KLF13: variants seen among roughly 807,000 people sequenced by gnomAD.
KLF13 encodes the protein Krueppel-like factor 13.
A neutral mutation model predicts 16.7 loss-of-function variants in KLF13; 8 were observed. The observed-to-expected ratio is 0.48, with a 90% CI of 0.28 to 0.87. The LOEUF is 0.87. KLF13 is among the 40% of genes least tolerant of loss of function. The probability of loss-of-function intolerance (pLI) is 0.10; values close to 1 mark genes in which losing one functional copy is unlikely to be tolerated. For missense variants in KLF13, 447 were observed against 452.2 expected, an observed-to-expected ratio of 0.99 and a Z score of 0.10; for synonymous variants, 245 against 208.4, an observed-to-expected ratio of 1.18 and a Z score of -1.51.
chr15:31,401,097 G>A (rs940676044), intron 2 of KLF13, among the ~76,000 whole-genome samples: 4 of 151,782 alleles, frequency 2.6e-5, no homozygotes, highest in Non-Finnish European at 4.4e-5. Context: ...TCTGCCTCCC[G>A]GGAGCAAGCT....
downstream of KLF13, among the ~76,000 whole-genome samples, chr15:31,405,680 G>C (rs2040118988): frequency 6.6e-6 from 1 of 152,206 alleles, no homozygotes; most frequent in Non-Finnish European, 1.5e-5. Context: ...GGGCTGCCAG[G>C]TGTGACTCAC....
At chr15:31,338,867 T>C (rs1489907355) in intron 1 of KLF13, among the ~76,000 whole-genome samples, 1 of 152,020 alleles carries the variant, frequency 6.6e-6, no homozygotes, top group Non-Finnish European at 1.5e-5. Flanking sequence ...TGAGCATTTC[T>C]TTAACAGCCT....
At chr15:31,344,261 G>A (rs1430248663) in intron 1 of KLF13, among the ~76,000 whole-genome samples, 1 of 152,342 alleles carries the variant, frequency 6.6e-6, no homozygotes, top group East Asian at 1.9e-4. Context: ...TGTCAGGAGG[G>A]GAGTGGGCAC....
At chr15:31,364,103 TG>T (rs2039427459) in intron 1 of KLF13, among the ~76,000 whole-genome samples, 1 of 5,850 alleles carries the variant, frequency 1.7e-4, no homozygotes, top group African/African-American at 4.0e-4. Context: ...CTTACGAAAC[TG>T]TGTTGAATCC....
At chr15:31,384,446 G>A (rs1160056346) in intron 1 of KLF13, among the ~76,000 whole-genome samples, 2 of 152,156 alleles carry the variant, frequency 1.3e-5, no homozygotes, top group African/African-American at 4.8e-5. Context: ...ATAAGGACAG[G>A]TAAGAGACAG....
intron 1 of KLF13, among the ~76,000 whole-genome samples, chr15:31,425,902 T>G (rs927232827): frequency 1.3e-5 from 2 of 152,156 alleles, no homozygotes; most frequent in African/African-American, 4.8e-5. Flanking sequence ...TCTAAATGCC[T>G]TTAACAGCAC....
At chr15:31,415,714 C>A (rs919909188) in intron 1 of KLF13, among the ~76,000 whole-genome samples, 1 of 151,918 alleles carries the variant, frequency 6.6e-6, no homozygotes, top group Non-Finnish European at 1.5e-5. Context: ...AATACTCTAA[C>A]CTTTCACCTT....
rs2039653524 is a variant in KLF13 at position 31,376,777 on chromosome 15, G to C, written c.*4478G>C. The C allele has an allele frequency of 6.5e-6, 1 of 152,686 alleles. No homozygotes were observed. The highest frequency in any genetic ancestry group is 1.5e-5 in the Non-Finnish European group (1 of 68,048). 9.5% of individuals were successfully genotyped at this position (152,686 alleles called of 1,614,324 possible). On this transcript the variant is annotated 3_prime_UTR_variant, in exon 2 of 2. Coordinates refer to ENST00000307145, the MANE Select transcript of KLF13 (RefSeq NM_015995.4). ...CAGGAGACGGGAGCCCGGTGTCCAT[G>C]AGGGAAGAGGGGTCGCGCTTGGTTT...
chr15:31,419,487 A>G (rs184023709), intron 1 of KLF13, among the ~76,000 whole-genome samples: 142 of 152,304 alleles, frequency 9.3e-4, no homozygotes, highest in Admixed American at 3.3e-3. Flanking sequence ...AGAAAAAACA[A>G]ATAGAAATTC....
intron 1 of KLF13, among the ~76,000 whole-genome samples, chr15:31,346,866 G>A (rs1460862546): frequency 6.6e-6 from 1 of 152,190 alleles, no homozygotes; most frequent in African/African-American, 2.4e-5. Flanking sequence ...CTGTGCTGGC[G>A]GCATCAGGGA....
chr15:31,327,522 G>A lies in KLF13; in HGVS notation c.310G>A (p.Glu104Lys). The A allele has an allele frequency of 2.7e-6, 3 of 1,102,328 alleles. No homozygotes were observed. Among genetic ancestry groups the A allele is most frequent in the East Asian group, 4.8e-5 (1 of 20,898 alleles). 68.3% of individuals were successfully genotyped at this position (1,102,328 alleles called of 1,614,324 possible). The part of the protein sequence containing the change: ...TPCRLPPPAP[E>K]PTSPGAEGAA... ...CTGCCGCCTGCCGCCGCCCGCCCCCGAGCCCACCTCCCCCGGCGCCGAAGG... is the reference window on the plus strand; with the variant it reads ...CTGCCGCCTGCCGCCGCCCGCCCCCAAGCCCACCTCCCCCGGCGCCGAAGG... The change falls in exon 1 of 2, where the codon GAG becomes AAG. Residue 104 changes from glutamate to lysine, a missense_variant. Around this residue, in one of 2 missense-constraint regions of KLF13, gnomAD observed 359 missense variants for 282.8 expected, o/e 1.27. Coordinates refer to ENST00000307145, the MANE Select transcript of KLF13 (RefSeq NM_015995.4).
rs915449064 is a variant in KLF13, at chr15:31,372,605, T to C, written c.*306T>C. ...GACACCCCTTCCTGCCGCCTTACTC[T>C]GTACATAGATTTGCACTCTGGAGTT... is the stretch of plus-strand genomic sequence containing the variant. On this transcript the variant is annotated 3_prime_UTR_variant, in exon 2 of 2. Transcript: ENST00000307145. The C allele has an allele frequency of 2.7e-6, 1 of 376,854 alleles. No homozygotes were observed. Among genetic ancestry groups the C allele is most frequent in the Non-Finnish European group, 4.7e-6 (1 of 211,340 alleles). The allele number at this position is 376,854 out of a possible 1,614,324, so 23.3% of individuals were successfully genotyped here.
intron 1 of KLF13, among the ~76,000 whole-genome samples, chr15:31,339,301 C>A (rs868067940): frequency 3.3e-5 from 5 of 151,930 alleles, no homozygotes; most frequent in African/African-American, 1.2e-4. Context: ...AAATGTCTGA[C>A]CTGGTTTCTA....
chr15:31,419,222 C>G (rs1333314518), intron 1 of KLF13, among the ~76,000 whole-genome samples: 1 of 151,844 alleles, frequency 6.6e-6, no homozygotes, highest in Non-Finnish European at 1.5e-5. Flanking sequence ...GCCTGTTTTT[C>G]AAAAGCACAA....
upstream of KLF13, among the ~76,000 whole-genome samples, chr15:31,389,353 G>A (rs1322286629): frequency 6.6e-6 from 1 of 152,116 alleles, no homozygotes; most frequent in Admixed American, 6.6e-5. Context: ...TCGTCAACAG[G>A]CTATCAGTAG....
intron 1 of KLF13, among the ~76,000 whole-genome samples, chr15:31,335,402 C>T (rs1034402891): frequency 1.7e-4 from 24 of 142,226 alleles, no homozygotes; most frequent in Admixed American, 1.5e-3. Context: ...AGGCTGTGAT[C>T]GCCATTTGCT....
chr15:31,335,315 C>T (rs1010640309), intron 1 of KLF13, among the ~76,000 whole-genome samples: 2 of 152,098 alleles, frequency 1.3e-5, no homozygotes, highest in Non-Finnish European at 2.9e-5. Flanking sequence ...TGCCTTCACA[C>T]CCTGCTGCCC....
rs1223327311 is a variant in KLF13, at chr15:31,327,602, G to T, written c.390G>T (p.Gly130=). Residue 130 remains glycine (G), a synonymous_variant, in exon 1 of 2, where the codon GGG becomes GGT. Transcript: ENST00000307145. Reference sequence around the variant, plus strand: ...GGAGCGAGCCGGAGCCCGAGGCGGGGCTGGAGCCCGAGCGGGAGCCGGGGC... The same window carrying T: ...GGAGCGAGCCGGAGCCCGAGGCGGGTCTGGAGCCCGAGCGGGAGCCGGGGC... The part of the protein sequence containing the change: ...PAWSEPEPEA[G]LEPEREPGPA... The T allele has an allele frequency of 3.8e-6, 5 of 1,300,464 alleles. No individual in the cohort carries two copies. Among genetic ancestry groups the T allele is most frequent in the Non-Finnish European group, 4.0e-6 (4 of 1,010,018 alleles). The allele number at this position is 1,300,464 out of a possible 1,614,324, so 80.6% of individuals were successfully genotyped here.
At chr15:31,340,535 C>T (rs2039004698) in intron 1 of KLF13, among the ~76,000 whole-genome samples, 1 of 152,208 alleles carries the variant, frequency 6.6e-6, no homozygotes, top group African/African-American at 2.4e-5. Flanking sequence ...GCTAACATCA[C>T]CCCCTTCAAA....
Sources: gnomAD v4.1 joint callset for allele counts (sites outside exome capture counted in the v4.1 genomes callset) on GRCh38, gnomAD v4.1.1 for gene constraint, gnomAD v4.1.1 regional missense constraint, MANE v1.5 for transcripts, NCBI Gene and HGNC (gene_info 2026-07-23, HGNC 2026-07-21) for gene names.